CNTNAP2: variants seen among roughly 807,000 people sequenced by gnomAD.
The protein encoded by CNTNAP2 is contactin associated protein 2, also known as contactin-associated protein-like 2.
A neutral mutation model predicts 155.2 loss-of-function variants in CNTNAP2; 98 were observed. The ratio of observed to expected loss-of-function variants is 0.63; its 90% CI spans 0.54 to 0.75. CNTNAP2 has a LOEUF of 0.75. CNTNAP2 is among the 30% of genes least tolerant of loss of function. The pLI is 0.00. For missense variants in CNTNAP2, 1,727 were observed against 1,688.1 expected (o/e 1.02, Z -0.40); for synonymous variants, 651 against 631.2 (o/e 1.03, Z -0.47).
intron 2 of CNTNAP2, among the ~76,000 whole-genome samples, chr7:146,805,720 G>T (rs1277708872): frequency 6.6e-6 from 1 of 152,172 alleles, no homozygotes; most frequent in Non-Finnish European, 1.5e-5. Flanking sequence ...AGTTGGAAGA[G>T]TTGTCCAAAG....
At chr7:146,631,932 T>A (rs347212) in intron 1 of CNTNAP2, among the ~76,000 whole-genome samples, 100,514 of 152,090 alleles carry the variant, frequency 0.66, 34,885 homozygotes, top group African/African-American at 0.85. Flanking sequence ...GGCTCAGAAA[T>A]CACTTTTTAA....
chr7:147,580,602 T>A (rs1045216289), intron 12 of CNTNAP2, among the ~76,000 whole-genome samples: 7 of 145,644 alleles, frequency 4.8e-5, no homozygotes, highest in African/African-American at 1.8e-4. Flanking sequence ...GATGTTGATC[T>A]TGTTTTTTAC....
At chr7:146,735,813 C>T (rs1450614926) in intron 1 of CNTNAP2, among the ~76,000 whole-genome samples, 2 of 141,484 alleles carry the variant, frequency 1.4e-5, no homozygotes, top group African/African-American at 3.2e-5. Context: ...AGCTAGAGAG[C>T]GGGAATAACT....
At chr7:147,763,401 G>A (rs1273414395) in intron 13 of CNTNAP2, among the ~76,000 whole-genome samples, 2 of 150,224 alleles carry the variant, frequency 1.3e-5, no homozygotes, top group Non-Finnish European at 3.0e-5. Context: ...GGGAGAATAC[G>A]ATACTTTACA....
At chr7:147,493,959 T>C (rs1344968830) in intron 11 of CNTNAP2, among the ~76,000 whole-genome samples, 1 of 152,206 alleles carries the variant, frequency 6.6e-6, no homozygotes. Context: ...TGGTTTTCAA[T>C]AGAATATATG....
intron 1 of CNTNAP2, among the ~76,000 whole-genome samples, chr7:146,523,419 G>A (rs950791751): frequency 6.6e-6 from 1 of 151,864 alleles, no homozygotes; most frequent in Non-Finnish European, 1.5e-5. Context: ...TTGTATAAAA[G>A]AGTGTCCATT....
chr7:146,859,572 G>T (rs979273508), intron 3 of CNTNAP2, among the ~76,000 whole-genome samples: 1 of 151,988 alleles, frequency 6.6e-6, no homozygotes, highest in Non-Finnish European at 1.5e-5. Context: ...CTGGAGAATC[G>T]CTTGAACGCA....
intron 1 of CNTNAP2, among the ~76,000 whole-genome samples, chr7:146,544,831 T>C (rs189889200): frequency 6.6e-6 from 1 of 152,000 alleles, no homozygotes; most frequent in East Asian, 1.9e-4. Flanking sequence ...CAGAGACGGA[T>C]AAGTCACTAG....
chr7:147,947,454 CAAAAAAAAAAA>C (rs10708483), intron 14 of CNTNAP2, among the ~76,000 whole-genome samples: 1 of 80,286 alleles, frequency 1.2e-5, no homozygotes. Flanking sequence ...CCTGTCTCTA[CAAAAAAAAAAA>C]AAAAAAAAAA....
chr7:146,851,650 C>G lies in CNTNAP2; in HGVS notation c.402+11746C>G, dbSNP rs1045423539. On this transcript the variant is annotated intron_variant, in intron 3 of 23. Transcript: ENST00000361727. The stretch of plus-strand genomic sequence containing the variant: ...TGTGTTGCTTTATATCATCTTTCTT[C>G]TGTGTGTGTGTGTGTGTGTGTGTGT... 2.3e-3 allele frequency among the ~76,000 whole-genome samples: 302 copies of G among 133,122 alleles called. 9 individuals carry two copies. In the East Asian group the frequency reaches 0.062, roughly 27 times the overall value. The allele number at this position is 133,122 out of a possible 152,430, so 87.3% of individuals were successfully genotyped here. A position where few individuals can be genotyped will look rare whatever the true frequency, so the allele number is the denominator to read the frequency against.
rs118185708 is a variant in CNTNAP2, at chr7:146,686,083, G to A, written c.98-88188G>A. ...AGGCTGACACTGGAGGATCTGTTGA[G>A]TTCAGGAGTTTAAGATCATCCTGGG... On this transcript the variant is annotated intron_variant, in intron 1 of 23. Transcript: ENST00000361727. Among the ~76,000 whole-genome samples, 1,133 of 152,224 alleles carry A rather than the reference G, an allele frequency of 7.4e-3. 7 individuals carry two copies. Among genetic ancestry groups the A allele is most frequent in the Middle Eastern group, 0.02 (6 of 294 alleles).
intron 1 of CNTNAP2, among the ~76,000 whole-genome samples, chr7:146,282,956 A>G (rs1463120465): frequency 6.6e-6 from 1 of 152,194 alleles, no homozygotes; most frequent in Non-Finnish European, 1.5e-5. Context: ...ATAAAACATG[A>G]TCCTGAAACT....
intron 8 of CNTNAP2, among the ~76,000 whole-genome samples, chr7:147,289,983 TTACA>T (rs769457103): frequency 6.6e-6 from 1 of 152,174 alleles, no homozygotes; most frequent in African/African-American, 2.4e-5. Context: ...GAGGTAAAAA[TTACA>T]TACAGTAGAT....
intron 3 of CNTNAP2, among the ~76,000 whole-genome samples, chr7:146,977,778 C>G (rs957962534): frequency 2.0e-5 from 3 of 152,040 alleles, no homozygotes; most frequent in African/African-American, 4.8e-5. Context: ...CAGTGAACTT[C>G]CAAGTGAAAT....
intron 1 of CNTNAP2, among the ~76,000 whole-genome samples, chr7:146,169,455 A>C (rs1486071578): frequency 2.0e-5 from 3 of 152,180 alleles, no homozygotes; most frequent in Non-Finnish European, 4.4e-5. Flanking sequence ...TACCACAATC[A>C]AGCTAACACA....
rs961429721 is a variant in CNTNAP2, at chr7:147,029,546, A to AG, written c.403-14358dup. 2.1e-4 allele frequency among the ~76,000 whole-genome samples: 23 copies of AG among 108,674 alleles called. No individual in the cohort carries two copies. The East Asian group carries it at 2.2e-3, about 11-fold the overall frequency. 71.3% of individuals were successfully genotyped at this position (108,674 alleles called of 152,430 possible). ...ACAAATGGAGAAACATAATGTAAAAAGGGTTTTTTTTTTTTCTTCCCAGGA... is the reference window on the plus strand; with the variant it reads ...ACAAATGGAGAAACATAATGTAAAAAGGGGTTTTTTTTTTTTCTTCCCAGGA... On this transcript the variant is annotated intron_variant, in intron 3 of 23. Coordinates refer to ENST00000361727, the MANE Select transcript of CNTNAP2 (RefSeq NM_014141.6).
At chr7:148,266,405 C>A (rs1001733458) in intron 20 of CNTNAP2, among the ~76,000 whole-genome samples, 1 of 152,174 alleles carries the variant, frequency 6.6e-6, no homozygotes, top group Admixed American at 6.5e-5. Context: ...ACCATTGGCA[C>A]TTTGTCCACG....
chr7:147,371,886 A>G (rs1279367039), intron 9 of CNTNAP2, among the ~76,000 whole-genome samples: 1 of 152,152 alleles, frequency 6.6e-6, no homozygotes, highest in Non-Finnish European at 1.5e-5. Context: ...ATAAATACAT[A>G]TGGAGGAAAT....
intron 1 of CNTNAP2, chr7:146,311,852 G>A (rs1800830797): frequency 1.3e-5 from 2 of 151,254 alleles, no homozygotes; most frequent in Admixed American, 6.6e-5. Context: ...TTTATAAGAA[G>A]GAAAGTAGAA....
Sources: gnomAD v4.1 joint callset for allele counts (sites outside exome capture counted in the v4.1 genomes callset) on GRCh38, gnomAD v4.1.1 for gene constraint, MANE v1.5 for transcripts, NCBI Gene and HGNC (gene_info 2026-07-23, HGNC 2026-07-21) for gene names.